The following HMCN2 variants were observed in gnomAD, a reference collection of about 807,000 sequenced individuals.
The protein encoded by HMCN2 is hemicentin 2.
HMCN2 carries 325 observed loss-of-function variants against 377.5 expected under a neutral mutation model. The observed-to-expected ratio is 0.86, with a 90% CI of 0.79 to 0.94. The LOEUF (loss-of-function observed/expected upper bound fraction) is 0.94, where lower values mean the gene tolerates loss of function less well. Ranked by LOEUF, HMCN2 falls within the 40% of genes least tolerant of loss-of-function variation. HMCN2 has a pLI of 0.00. For missense variants in HMCN2, 4,543 were observed against 4,725.3 expected (o/e 0.96, Z 1.13); for synonymous variants, 2,007 against 2,046.8 (o/e 0.98, Z 0.53).
rs1342962515 is a variant in HMCN2, at chr9:130,341,992, A to G, written c.3743-358A>G. Among the ~76,000 whole-genome samples, 16 of 150,686 alleles carry G rather than the reference A, an allele frequency of 1.1e-4. No individual in the cohort carries two copies. The South Asian group carries it at 3.0e-3, about 28-fold the overall frequency. ...GGAGTTCGAGACCAGTCTGGCCAAC[A>G]TAGTGAAACCCCATCTCTTAAAATA... is the stretch of plus-strand genomic sequence containing the variant. On this transcript the variant is annotated intron_variant, in intron 24 of 97. Transcript: ENST00000683500.
rs782571649 is a variant in HMCN2, at chr9:130,306,836, C to T, written c.1984C>T (p.Leu662=). The change falls in exon 13 of 98, where the codon CTG becomes TTG. Residue 662 remains leucine (L), a synonymous_variant. Coordinates refer to ENST00000683500, the MANE Select transcript of HMCN2 (RefSeq NM_001291815.2). ...SRIHVDAQGT[L]IIQGVAPEDA... is the part of the protein sequence containing the mutation. ...AATCCATGTGGACGCACAGGGAACCCTGATTATTCAGGGGGTAGCCCCAGA... is the reference window on the plus strand; with the variant it reads ...AATCCATGTGGACGCACAGGGAACCTTGATTATTCAGGGGGTAGCCCCAGA... The T allele has an allele frequency of 7.0e-5, 33 of 470,638 alleles. No homozygotes were observed. The highest frequency in any genetic ancestry group is 1.2e-4 in the Non-Finnish European group (28 of 226,818). 29.2% of individuals were successfully genotyped at this position (470,638 alleles called of 1,614,324 possible). A position where few individuals can be genotyped will look rare whatever the true frequency, so the allele number is the denominator to read the frequency against.
intron 95 of HMCN2, 166 bp from the exon 96 acceptor site, chr9:130,431,201 G>T: frequency 1.5e-6 from 1 of 689,146 alleles, no homozygotes; most frequent in Non-Finnish European, 2.4e-6. Context: ...AGCAAGCACA[G>T]GGACTCCCCC....
intron 76 of HMCN2, 77 bp downstream of exon 76, chr9:130,399,709 A>G: frequency 5.5e-6 from 6 of 1,081,600 alleles, no homozygotes; most frequent in Non-Finnish European, 7.3e-6. Context: ...TCTCCCTGCC[A>G]GCAGGGAATT....
intron 19 of HMCN2, among the ~76,000 whole-genome samples, chr9:130,325,111 T>TTG (rs1277790758): frequency 6.9e-6 from 1 of 144,076 alleles, no homozygotes; most frequent in Non-Finnish European, 1.5e-5. Flanking sequence ...TTTTTTTTTT[T>TTG]GTAGACAAGA....
At chr9:130,343,280 AG>A (rs1446009104) in intron 25 of HMCN2, among the ~76,000 whole-genome samples, 14 of 152,120 alleles carry the variant, frequency 9.2e-5, no homozygotes, top group African/African-American at 3.1e-4. Context: ...GGTTCTCTGG[AG>A]GGTGCTGTCT....
chr9:130,407,987 C>T (rs143567133), intron 83 of HMCN2, among the ~76,000 whole-genome samples: 13 of 152,354 alleles, frequency 8.5e-5, no homozygotes, highest in Non-Finnish European at 1.6e-4. Flanking sequence ...AATTGCCCTA[C>T]AGCACTACCT....
chr9:130,353,473 T>C (rs1839842731), intron 31 of HMCN2, among the ~76,000 whole-genome samples: 1 of 152,194 alleles, frequency 6.6e-6, no homozygotes, highest in African/African-American at 2.4e-5. Flanking sequence ...TCTCCCCTCA[T>C]GGTGTGGGGC....
chr9:130,277,997 C>CCACCACCACCATCAT lies in HMCN2; in HGVS notation c.260-6603_260-6589dup, dbSNP rs1564740218. 2.6e-4 allele frequency among the ~76,000 whole-genome samples: 19 copies of CCACCACCACCATCAT among 73,000 alleles called. 8 individuals carry two copies. The highest frequency in any genetic ancestry group is 3.5e-4 in the Non-Finnish European group (12 of 34,514). 47.9% of individuals were successfully genotyped at this position (73,000 alleles called of 152,430 possible). A position where few individuals can be genotyped will look rare whatever the true frequency, so the allele number is the denominator to read the frequency against. On this transcript the variant is annotated intron_variant, in intron 1 of 97. Transcript: ENST00000683500. The stretch of plus-strand genomic sequence containing the variant: ...ATCATCACCACCACCACGATCATCA[C>CCACCACCACCATCAT]CACCACCACCATCATCATCACCACC...
chr9:130,356,510 G>A (rs913605455), intron 34 of HMCN2, among the ~76,000 whole-genome samples: 1 of 152,184 alleles, frequency 6.6e-6, no homozygotes, highest in African/African-American at 2.4e-5. Context: ...TCCATCTGCT[G>A]AACTTCACTT....
intron 1 of HMCN2, among the ~76,000 whole-genome samples, chr9:130,274,108 A>C (rs1834548552): frequency 6.6e-6 from 1 of 150,440 alleles, no homozygotes; most frequent in Non-Finnish European, 1.5e-5. Flanking sequence ...GCTGGAGTGC[A>C]GTGGTGTGAT....
chr9:130,283,380 C>G (rs928085049), intron 1 of HMCN2, among the ~76,000 whole-genome samples: 3 of 152,104 alleles, frequency 2.0e-5, no homozygotes, highest in Non-Finnish European at 4.4e-5. Context: ...TTAAACAGCC[C>G]CGTCATTCTC....
At chr9:130,339,494 G>A (rs1255921494) in intron 23 of HMCN2, among the ~76,000 whole-genome samples, 1 of 152,210 alleles carries the variant, frequency 6.6e-6, no homozygotes, top group Non-Finnish European at 1.5e-5. Flanking sequence ...CAGGAACAGG[G>A]AGGCAGTGTA....
At chr9:130,371,925 G>T (rs1271578108) in intron 46 of HMCN2, among the ~76,000 whole-genome samples, 1 of 152,200 alleles carries the variant, frequency 6.6e-6, no homozygotes, top group Non-Finnish European at 1.5e-5. Context: ...GAGATCCTTG[G>T]GAGGAGAAGC....
rs944975129 is a variant in HMCN2 at position 130,395,050 on chromosome 9, T to G, written c.10716T>G (p.Thr3572=). ...NVQVRDAGLY[T]CLAESPAGAI... ...AGGTTAGGGATGCTGGGCTGTACAC[T>G]TGTCTGGCTGAAAGCCCTGCAGGTG... Residue 3572 remains threonine, a synonymous_variant, in exon 70 of 98, where the codon ACT becomes ACG. Coordinates refer to ENST00000683500, the MANE Select transcript of HMCN2 (RefSeq NM_001291815.2). 2 of 1,287,756 alleles carry G rather than the reference T, an allele frequency of 1.6e-6. No homozygotes were observed. The highest frequency in any genetic ancestry group is 3.1e-5 in the African/African-American group (2 of 65,442). 79.8% of individuals were successfully genotyped at this position (1,287,756 alleles called of 1,614,324 possible).
At chr9:130,402,715 T>C (rs929687847) in intron 77 of HMCN2, 74 bp from the exon 78 acceptor site, 50 of 892,310 alleles carry the variant, frequency 5.6e-5, no homozygotes, top group Non-Finnish European at 7.9e-5. Flanking sequence ...CAGAGTGGGG[T>C]TGTGTAGGAG....
At chr9:130,329,525 C>A (rs1220089257) in intron 22 of HMCN2, among the ~76,000 whole-genome samples, 1 of 150,766 alleles carries the variant, frequency 6.6e-6, no homozygotes, top group African/African-American at 2.4e-5. Context: ...TCACTGCAAC[C>A]TCCGCCTCCC....
chr9:130,399,489 G>A, intron 75 of HMCN2, 22 bp from the exon 76 acceptor site: 1 of 1,262,108 alleles, frequency 7.9e-7, no homozygotes, highest in Non-Finnish European at 1.0e-6. Context: ...CAGCCACTTG[G>A]CCGTCTGTCT....
At position 130,360,375 on chromosome 9, in the gene HMCN2, T is replaced by G; in HGVS notation, c.5774-53T>G. The G allele has an allele frequency of 9.5e-7, 1 of 1,054,930 alleles. No homozygotes were observed. Among genetic ancestry groups the G allele is most frequent in the Non-Finnish European group, 1.2e-6 (1 of 821,552 alleles). 65.3% of individuals were successfully genotyped at this position (1,054,930 alleles called of 1,614,324 possible). ...TTTCCCCCTTACTTCTCTCTTCCAT[T>G]CCCCCTTGCTTCTCTCTTCCTTTCC... On this transcript the variant is annotated intron_variant, in intron 37 of 97. Coordinates refer to ENST00000683500, the MANE Select transcript of HMCN2 (RefSeq NM_001291815.2). The surrounding 1 kb of genome is among the most constrained non-coding windows in gnomAD (Gnocchi z 4.7).
At chr9:130,367,068 A>G (rs1261371206) in intron 43 of HMCN2, among the ~76,000 whole-genome samples, 1 of 152,104 alleles carries the variant, frequency 6.6e-6, no homozygotes, top group Non-Finnish European at 1.5e-5. Context: ...GGCGGAGGTA[A>G]GGGTAAGTGC....
Sources: allele counts gnomAD v4.1 joint callset (sites outside exome capture counted in the v4.1 genomes callset), GRCh38; gene constraint gnomAD v4.1.1; non-coding constraint Gnocchi (gnomAD v3.1); transcripts MANE v1.5; gene names NCBI Gene and HGNC (gene_info 2026-07-23, HGNC 2026-07-21).